The following FBXW7 variants were observed in gnomAD, a reference collection of about 807,000 sequenced individuals.
FBXW7 encodes the protein F-box/WD repeat-containing protein 7.
A neutral mutation model predicts 86.3 loss-of-function variants in FBXW7; 11 were observed. That is an observed-to-expected ratio of 0.13 (90% CI 0.08 to 0.21). FBXW7 has a LOEUF of 0.21. FBXW7 is among the 10% of genes least tolerant of loss of function. FBXW7 has a pLI of 1.00. For synonymous variants in FBXW7, 313 were observed against 297.9 expected (o/e 1.05, Z -0.52); for missense variants, 488 against 847.4 (o/e 0.58, Z 5.27).
intron 2 of FBXW7, among the ~76,000 whole-genome samples, chr4:152,499,565 T>C (rs1028858435): frequency 1.3e-5 from 2 of 151,982 alleles, no homozygotes; most frequent in African/African-American, 4.8e-5. Flanking sequence ...CAGAGACTTA[T>C]CAGTTATTGC....
chr4:152,451,434 T>C (rs539958515), intron 2 of FBXW7, among the ~76,000 whole-genome samples: 1 of 152,312 alleles, frequency 6.6e-6, no homozygotes, highest in East Asian at 1.9e-4. Flanking sequence ...AGAGACATCC[T>C]TCCTCAATGC....
At chr4:152,439,293 T>C (rs1372055397) in intron 2 of FBXW7, among the ~76,000 whole-genome samples, 5 of 152,188 alleles carry the variant, frequency 3.3e-5, no homozygotes, top group Non-Finnish European at 7.3e-5. Context: ...TCAGATTTAC[T>C]AGTTTTCACA....
chr4:152,484,848 G>C (rs1579323575), intron 2 of FBXW7, among the ~76,000 whole-genome samples: 1 of 152,006 alleles, frequency 6.6e-6, no homozygotes, highest in East Asian at 1.9e-4. Flanking sequence ...TGTAATCCCA[G>C]CTACTTGGGA....
At chr4:152,491,962 A>T (rs1040515018) in intron 2 of FBXW7, among the ~76,000 whole-genome samples, 2 of 152,202 alleles carry the variant, frequency 1.3e-5, no homozygotes, top group African/African-American at 4.8e-5. Context: ...TTAATAGATA[A>T]GCCCATGTAA....
intron 2 of FBXW7, among the ~76,000 whole-genome samples, chr4:152,422,930 T>C (rs992792991): frequency 9.9e-5 from 15 of 152,260 alleles, no homozygotes; most frequent in African/African-American, 3.6e-4. Flanking sequence ...TTATTTTCCA[T>C]TCTTTTCTTT....
At chr4:152,362,868 G>A (rs1733118164) in intron 4 of FBXW7, among the ~76,000 whole-genome samples, 1 of 147,172 alleles carries the variant, frequency 6.8e-6, no homozygotes, top group African/African-American at 2.5e-5. Context: ...ACTTGGAATA[G>A]TTTTCAAGAG....
At chr4:152,480,632 C>A (rs1011072948) in intron 2 of FBXW7, among the ~76,000 whole-genome samples, 1 of 152,078 alleles carries the variant, frequency 6.6e-6, no homozygotes, top group Non-Finnish European at 1.5e-5. Flanking sequence ...AAGAAAAGTT[C>A]TTGAAGGAAA....
chr4:152,524,484 C>A (rs1749313983), intron 2 of FBXW7, among the ~76,000 whole-genome samples: 2 of 152,184 alleles, frequency 1.3e-5, no homozygotes, highest in African/African-American at 4.8e-5. Flanking sequence ...ACAAACTAAA[C>A]CTTCAATGGT....
intron 4 of FBXW7, among the ~76,000 whole-genome samples, chr4:152,367,775 A>AT (rs1038706029): frequency 6.6e-6 from 1 of 152,084 alleles, no homozygotes; most frequent in African/African-American, 2.4e-5. Flanking sequence ...TGTTATTACC[A>AT]TTTTCACAAA....
intron 2 of FBXW7, among the ~76,000 whole-genome samples, chr4:152,432,040 T>TCA (rs1455889563): frequency 6.6e-6 from 1 of 152,226 alleles, no homozygotes; most frequent in Non-Finnish European, 1.5e-5. Flanking sequence ...TTTCTCTGGT[T>TCA]CTGTAGTCAT....
intron 2 of FBXW7, among the ~76,000 whole-genome samples, chr4:152,466,664 T>C (rs77471975): frequency 0.014 from 2,079 of 152,186 alleles, 25 homozygotes; most frequent in Middle Eastern, 0.037. Context: ...TAATCTGGGT[T>C]GGGCGTGGTG....
chr4:152,472,047 A>G (rs1339825232), intron 2 of FBXW7, among the ~76,000 whole-genome samples: 7 of 152,178 alleles, frequency 4.6e-5, no homozygotes, highest in Admixed American at 4.6e-4. Context: ...AAAAAAACAA[A>G]CCGATTTTTA....
In FBXW7 at chr4:152,329,800, T is replaced by C; in HGVS notation, c.1123-15A>G. 7 of 1,419,956 alleles carry C rather than the reference T, an allele frequency of 4.9e-6. No homozygotes were observed. Among genetic ancestry groups the C allele is most frequent in the Non-Finnish European group, 6.6e-6 (7 of 1,052,676 alleles). 88.0% of individuals were successfully genotyped at this position (1,419,956 alleles called of 1,614,324 possible). The stretch of plus-strand genomic sequence containing the variant: ...CCTTTCAGCACCTATAAGAAAGATG[T>C]GCAGATTAGAAATATGTTAATTAAA... On this transcript the variant is annotated splice_polypyrimidine_tract_variant and intron_variant, in intron 9 of 13. Coordinates refer to ENST00000281708, the MANE Select transcript of FBXW7 (RefSeq NM_001349798.2).
intron 4 of FBXW7, chr4:152,382,342 ACTC>A (rs750621400): frequency 6.4e-7 from 1 of 1,557,614 alleles, no homozygotes; most frequent in Admixed American, 1.8e-5. Context: ...ACATTTTAAA[ACTC>A]CTCTTGGTTG....
At chr4:152,421,408 A>G (rs1738927869) in intron 2 of FBXW7, among the ~76,000 whole-genome samples, 1 of 152,178 alleles carries the variant, frequency 6.6e-6, no homozygotes, top group African/African-American at 2.4e-5. Context: ...TTCCTTCAAG[A>G]ACTTTTCAGC....
At chr4:152,354,063 T>C (rs887978964) in intron 4 of FBXW7, among the ~76,000 whole-genome samples, 2 of 152,174 alleles carry the variant, frequency 1.3e-5, no homozygotes, top group African/African-American at 4.8e-5. Flanking sequence ...CATAAAGTAG[T>C]ATCATAATTT....
At chr4:152,347,940 T>A (rs1731426361) in intron 5 of FBXW7, among the ~76,000 whole-genome samples, 1 of 152,002 alleles carries the variant, frequency 6.6e-6, no homozygotes, top group African/African-American at 2.4e-5. Flanking sequence ...AAACTCAAGG[T>A]AAATATTGGG....
intron 12 of FBXW7, 179 bp from the exon 13 acceptor site, chr4:152,324,573 T>C (rs942769317): frequency 3.4e-4 from 194 of 576,306 alleles, no homozygotes; most frequent in Non-Finnish European, 5.5e-4. Flanking sequence ...AACTCTACAA[T>C]GTATGTTCTC....
chr4:152,520,048 G>A (rs1748860444), intron 2 of FBXW7, among the ~76,000 whole-genome samples: 1 of 152,186 alleles, frequency 6.6e-6, no homozygotes, highest in Admixed American at 6.5e-5. Flanking sequence ...TAATAATAAT[G>A]ATCATGAATT....
Sources: gnomAD v4.1 joint callset for allele counts (sites outside exome capture counted in the v4.1 genomes callset) on GRCh38, gnomAD v4.1.1 for gene constraint, MANE v1.5 for transcripts, NCBI Gene and HGNC (gene_info 2026-07-23, HGNC 2026-07-21) for gene names.